CDH13: variants seen among roughly 807,000 people sequenced by gnomAD.
The protein encoded by CDH13 is cadherin-13.
Under a neutral mutation model 63.8 loss-of-function variants are expected in CDH13, and 24 were observed. The ratio of observed to expected loss-of-function variants is 0.38; its 90% CI spans 0.27 to 0.53. CDH13 has a LOEUF of 0.53. CDH13 is among the 20% of genes least tolerant of loss of function. CDH13 has a pLI of 0.85. For synonymous variants in CDH13, 503 were observed against 355.3 expected, an observed-to-expected ratio of 1.42 and a Z score of -4.67; for missense variants, 1,049 against 903.1, an observed-to-expected ratio of 1.16 and a Z score of -2.07.
At chr16:82,672,646 C>T (rs1262978648) in intron 1 of CDH13, among the ~76,000 whole-genome samples, 1 of 152,170 alleles carries the variant, frequency 6.6e-6, no homozygotes, top group African/African-American at 2.4e-5. Flanking sequence ...TTTCCTCCTC[C>T]ATCTGCCTTG....
At chr16:83,095,134 T>A (rs1338872746) in intron 3 of CDH13, among the ~76,000 whole-genome samples, 1 of 152,228 alleles carries the variant, frequency 6.6e-6, no homozygotes, top group Admixed American at 6.5e-5. Flanking sequence ...TGATTTGTGG[T>A]GTTTGCCAAT....
At chr16:83,171,492 G>A in intron 4 of CDH13, 1 of 1,521,588 alleles carries the variant, frequency 6.6e-7, no homozygotes, top group Non-Finnish European at 8.8e-7. Flanking sequence ...TATGAAAATA[G>A]ACTGCCCATA....
intron 8 of CDH13, among the ~76,000 whole-genome samples, chr16:83,621,475 CTTTTTTTTTTTT>C (rs72032168): frequency 7.0e-5 from 2 of 28,530 alleles, no homozygotes; most frequent in East Asian, 1.1e-3. Flanking sequence ...CCTCACCTGC[CTTTTTTTTTTTT>C]TTTTTTTTTT....
At position 83,306,877 on chromosome 16, in the gene CDH13, T is replaced by C. The variant is rs371308119; in HGVS notation, c.637-37985T>C. ...AATTACCCAGTCTCAGGTATACTTA[T>C]AGCAACACGAAATGGGCTAAGACAA... is the stretch of plus-strand genomic sequence containing the variant. On this transcript the variant is annotated intron_variant, in intron 5 of 13. Transcript: ENST00000567109. Among the ~76,000 whole-genome samples the C allele has an allele frequency of 1.2e-4, 18 of 152,220 alleles. No homozygotes were observed. The East Asian group carries it at 2.5e-3, about 21-fold the overall frequency.
intron 1 of CDH13, among the ~76,000 whole-genome samples, chr16:82,765,839 A>G (rs192290664): frequency 0.013 from 2,035 of 152,200 alleles, 31 homozygotes; most frequent in Non-Finnish European, 0.021. Flanking sequence ...AAGTTCTTGG[A>G]TATTGGTTTC....
At chr16:83,593,633 T>A (rs1906974281) in intron 7 of CDH13, among the ~76,000 whole-genome samples, 1 of 151,952 alleles carries the variant, frequency 6.6e-6, no homozygotes, top group African/African-American at 2.4e-5. Flanking sequence ...TTATTTGTCC[T>A]GTAATAATTG....
intron 4 of CDH13, among the ~76,000 whole-genome samples, chr16:83,192,658 C>G (rs895806913): frequency 6.6e-6 from 1 of 152,090 alleles, no homozygotes; most frequent in Non-Finnish European, 1.5e-5. Context: ...TAACAGGGAG[C>G]TTAAAATGTG....
chr16:83,620,640 C>G (rs1020291937), intron 8 of CDH13, among the ~76,000 whole-genome samples: 1 of 152,132 alleles, frequency 6.6e-6, no homozygotes, highest in Admixed American at 6.5e-5. Flanking sequence ...ACGCCACATG[C>G]TCTCTCTCAC....
intron 1 of CDH13, among the ~76,000 whole-genome samples, chr16:82,806,501 GT>G (rs2037153494): frequency 6.6e-6 from 1 of 152,018 alleles, no homozygotes; most frequent in African/African-American, 2.4e-5. Context: ...TTTTTGTTTT[GT>G]TTTGTTTTGT....
chr16:83,478,809 C>T lies in CDH13; in HGVS notation c.782-7668C>T, dbSNP rs540457244. On this transcript the variant is annotated intron_variant, in intron 6 of 13. Transcript: ENST00000567109. ...AACTGAGAACCAACCTCCCACCTGG[C>T]TGGCCAGTAGAGTCTTTTGAAGATG... Among the ~76,000 whole-genome samples the T allele has an allele frequency of 2.1e-5, 3 of 144,184 alleles. No individual in the cohort carries two copies. In the South Asian group the frequency reaches 6.6e-4, roughly 32 times the overall value. The allele number at this position is 144,184 out of a possible 152,430, so 94.6% of individuals were successfully genotyped here. A position where few individuals can be genotyped will look rare whatever the true frequency, so the allele number is the denominator to read the frequency against.
chr16:83,378,894 G>A (rs1286175093), intron 6 of CDH13, among the ~76,000 whole-genome samples: 5 of 152,072 alleles, frequency 3.3e-5, no homozygotes, highest in Non-Finnish European at 5.9e-5. Flanking sequence ...ATTGTCTCAT[G>A]CTAAACTTGT....
chr16:83,643,431 G>C (rs930619490), intron 8 of CDH13, among the ~76,000 whole-genome samples: 1 of 151,832 alleles, frequency 6.6e-6, no homozygotes, highest in Non-Finnish European at 1.5e-5. Context: ...ATTGCCATCT[G>C]TCTCACGATT....
Position 83,245,838 on chromosome 16 carries a change from G to T in CDH13, c.636+28341G>T, listed in dbSNP as rs189084411. 1.0e-3 allele frequency among the ~76,000 whole-genome samples: 158 copies of T among 152,172 alleles called. 1 individual carries two copies. The highest frequency in any genetic ancestry group is 1.3e-3 in the Non-Finnish European group (90 of 68,012). ...GCTCACTGCAGCCAAGACCTCCCTG[G>T]CTCAAATGATTCTCCCACCTCAGTC... On this transcript the variant is annotated intron_variant, in intron 5 of 13. Transcript: ENST00000567109.
chr16:82,942,530 G>T (rs751654510), intron 2 of CDH13, among the ~76,000 whole-genome samples: 1 of 152,182 alleles, frequency 6.6e-6, no homozygotes, highest in Non-Finnish European at 1.5e-5. Context: ...TTTCTGAGCG[G>T]ATGTGCCATT....
chr16:83,594,302 G>T (rs529167184), intron 7 of CDH13, among the ~76,000 whole-genome samples: 2 of 152,130 alleles, frequency 1.3e-5, no homozygotes, highest in Non-Finnish European at 2.9e-5. Flanking sequence ...TAATTCTCAC[G>T]TATCCTATAA....
At chr16:83,595,648 A>G (rs1907180067) in intron 7 of CDH13, among the ~76,000 whole-genome samples, 1 of 152,200 alleles carries the variant, frequency 6.6e-6, no homozygotes, top group Admixed American at 6.5e-5. Flanking sequence ...AGAAAGTGTG[A>G]GAGGTTACAT....
At chr16:83,475,538 A>G (rs1005540083) in intron 6 of CDH13, among the ~76,000 whole-genome samples, 7 of 152,176 alleles carry the variant, frequency 4.6e-5, no homozygotes, top group African/African-American at 1.7e-4. Context: ...TTGGACTGTT[A>G]TCTCATTCTA....
chr16:83,194,476 T>G lies in CDH13; in HGVS notation c.484-22869T>G, dbSNP rs1360103687. Among the ~76,000 whole-genome samples the G allele has an allele frequency of 2.6e-5, 4 of 152,352 alleles. No individual in the cohort carries two copies. In the East Asian group the frequency reaches 5.8e-4, roughly 22 times the overall value. ...GGAAGGATAGAAACATAAATGGAAC[T>G]GTGTCAGGCCTTCCAAGCTGTCACT... On this transcript the variant is annotated intron_variant, in intron 4 of 13. Coordinates refer to ENST00000567109, the MANE Select transcript of CDH13 (RefSeq NM_001257.5).
intron 13 of CDH13, among the ~76,000 whole-genome samples, chr16:83,791,244 C>A (rs945756806): frequency 3.9e-5 from 6 of 152,170 alleles, no homozygotes; most frequent in Non-Finnish European, 7.4e-5. Flanking sequence ...CGTCTGTAAT[C>A]CCAACACTTT....
Sources: gnomAD v4.1 joint callset for allele counts (sites outside exome capture counted in the v4.1 genomes callset) on GRCh38, gnomAD v4.1.1 for gene constraint, MANE v1.5 for transcripts, NCBI Gene and HGNC (gene_info 2026-07-23, HGNC 2026-07-21) for gene names.